The following CFAP91 variants were observed in gnomAD, a reference collection of about 807,000 sequenced individuals.
CFAP91 encodes the protein cilia- and flagella-associated protein 91.
A neutral mutation model predicts 95.9 loss-of-function variants in CFAP91; 85 were observed. That is an observed-to-expected ratio of 0.89 (90% confidence interval 0.74 to 1.06). The LOEUF (loss-of-function observed/expected upper bound fraction) is 1.06. CFAP91 is among the 50% of genes least tolerant of loss of function. The pLI is 0.00. For missense variants in CFAP91, 962 were observed against 943.4 expected (o/e 1.02, Z -0.26); for synonymous variants, 335 against 327.5 (o/e 1.02, Z -0.25).
intron 11 of CFAP91, among the ~76,000 whole-genome samples, chr3:119,738,346 T>TTTTTTTTTTTTTTTTTTTTTG (rs2054051702): frequency 1.0e-5 from 1 of 98,044 alleles, no homozygotes; most frequent in Non-Finnish European, 2.2e-5. Flanking sequence ...TTTTTTTTTT[T>TTTTTTTTTTTTTTTTTTTTTG]TTTTTTTTTT....
intron 17 of CFAP91, among the ~76,000 whole-genome samples, chr3:119,764,757 C>G (rs570077771): frequency 6.6e-6 from 1 of 152,172 alleles, no homozygotes; most frequent in Admixed American, 6.5e-5. Context: ...AGAGATTTAC[C>G]TTTCTCATGT....
In CFAP91 at chr3:119,707,400, T is replaced by TA; in HGVS notation, c.202-4_202-3insA. ...TGTCCTTTGCCTCCCTTCTCTAACA[T>TA]TAGAGAAAAGTTCCCAGGTTTAAAA... On this transcript the variant is annotated splice_region_variant and splice_polypyrimidine_tract_variant and intron_variant, in intron 2 of 17. Transcript: ENST00000273390. 1 of 1,532,460 alleles carries TA rather than the reference T, an allele frequency of 6.5e-7. No homozygotes were observed. The highest frequency in any genetic ancestry group is 8.9e-7 in the Non-Finnish European group (1 of 1,128,348). 94.9% of individuals were successfully genotyped at this position (1,532,460 alleles called of 1,614,324 possible).
chr3:119,745,673 G>A (rs2054207019), intron 14 of CFAP91, among the ~76,000 whole-genome samples: 1 of 152,212 alleles, frequency 6.6e-6, no homozygotes, highest in Non-Finnish European at 1.5e-5. Flanking sequence ...AAGAGGGTGG[G>A]CTCTATGAGA....
intron 11 of CFAP91, among the ~76,000 whole-genome samples, chr3:119,739,002 T>C (rs1274814428): frequency 6.6e-6 from 1 of 152,216 alleles, no homozygotes; most frequent in Non-Finnish European, 1.5e-5. Context: ...GTTTCATTTG[T>C]AGGGATAGCA....
At position 119,719,829 on chromosome 3, in the gene CFAP91, G is replaced by A. The variant is rs918464540; in HGVS notation, c.682+4086G>A. ...ATTTAAAAACTTAGAAAGGCTGGGC[G>A]TGGTGGCTCACACCTGTAGTCCCAG... On this transcript the variant is annotated intron_variant, in intron 6 of 17. Coordinates refer to ENST00000273390, the MANE Select transcript of CFAP91 (RefSeq NM_033364.4). Among the ~76,000 whole-genome samples the A allele has an allele frequency of 5.3e-5, 8 of 152,308 alleles. No homozygotes were observed. In the East Asian group the frequency reaches 7.7e-4, roughly 15 times the overall value.
chr3:119,741,048 C>T (rs1442389919), intron 13 of CFAP91, among the ~76,000 whole-genome samples: 1 of 152,110 alleles, frequency 6.6e-6, no homozygotes, highest in Non-Finnish European at 1.5e-5. Flanking sequence ...GATGGGGTTT[C>T]GCCATATTGG....
In CFAP91 at chr3:119,738,332, C is replaced by CTTTTTTT. The variant is rs556125660; in HGVS notation, c.1461+878_1461+884dup. 6.2e-3 allele frequency among the ~76,000 whole-genome samples: 144 copies of CTTTTTTT among 23,068 alleles called. 45 individuals are homozygous for CTTTTTTT. The highest frequency in any genetic ancestry group is 0.026 in the East Asian group (13 of 496). The allele number at this position is 23,068 out of a possible 152,430, so 15.1% of individuals were successfully genotyped here. A position where few individuals can be genotyped will look rare whatever the true frequency, so the allele number is the denominator to read the frequency against. ...TGCAGGGCTTTGGTTGACATATTGT[C>CTTTTTTT]TTTTTTTTTTTTTTTTTTTTTTTTT... On this transcript the variant is annotated intron_variant, in intron 11 of 17. Transcript: ENST00000273390.
At chr3:119,735,204 A>G (rs904144240) in intron 10 of CFAP91, among the ~76,000 whole-genome samples, 2 of 152,046 alleles carry the variant, frequency 1.3e-5, no homozygotes, top group Non-Finnish European at 2.9e-5. Flanking sequence ...CAAACAATGA[A>G]CTTTTGATTT....
intron 6 of CFAP91, among the ~76,000 whole-genome samples, chr3:119,716,717 G>C (rs34605021): frequency 0.16 from 23,960 of 152,092 alleles, 2,053 homozygotes; most frequent in Admixed American, 0.2. Context: ...CTCCCGAGTA[G>C]CTGGGAGTAC....
rs772349144 is a variant in CFAP91 at position 119,740,466 on chromosome 3, C to T, written c.1534-83C>T. On this transcript the variant is annotated intron_variant, in intron 12 of 17. Transcript: ENST00000273390. ...CAGAACCCACTGTTCACAAGTGTCT[C>T]ACAAGTCACTGCGTGTGACTCCTAG... 382 of 1,480,646 alleles carry T rather than the reference C, an allele frequency of 2.6e-4. 1 individual carries two copies. Among genetic ancestry groups the T allele is most frequent in the Non-Finnish European group, 5.4e-5 (58 of 1,083,220 alleles). The allele number at this position is 1,480,646 out of a possible 1,614,324, so 91.7% of individuals were successfully genotyped here.
At chr3:119,712,146 G>A (rs2053483128) in intron 5 of CFAP91, among the ~76,000 whole-genome samples, 1 of 152,220 alleles carries the variant, frequency 6.6e-6, no homozygotes, top group African/African-American at 2.4e-5. Context: ...GGTCCTGTTT[G>A]AGGTTGGGGA....
chr3:119,735,030 T>A (rs977890828), intron 10 of CFAP91, among the ~76,000 whole-genome samples: 13 of 152,190 alleles, frequency 8.5e-5, no homozygotes, highest in African/African-American at 3.1e-4. Context: ...TTCCATTTTT[T>A]TGGCATATGA....
At chr3:119,740,953 C>T in intron 13 of CFAP91, 1 of 450,422 alleles carries the variant, frequency 2.2e-6, no homozygotes, top group Non-Finnish European at 4.1e-6. Flanking sequence ...CTCACGGGTT[C>T]AAATGATTCT....
chr3:119,763,597 ACAAT>A lies in CFAP91; in HGVS notation c.*2-1454_*2-1451del, dbSNP rs2054576748. 2.0e-5 allele frequency among the ~76,000 whole-genome samples: 3 copies of A among 151,896 alleles called. No individual in the cohort carries two copies. In the South Asian group the frequency reaches 6.2e-4, roughly 32 times the overall value. On this transcript the variant is annotated intron_variant, in intron 17 of 17. Transcript: ENST00000273390. ...TCCACCAACAGATGATGGTATACACACAATTGAATACTATTCAGCCTTAAAAAAA... is the reference window on the plus strand; with the variant it reads ...TCCACCAACAGATGATGGTATACACATGAATACTATTCAGCCTTAAAAAAA...
intron 17 of CFAP91, among the ~76,000 whole-genome samples, chr3:119,753,823 C>T (rs1577245458): frequency 6.6e-6 from 1 of 152,166 alleles, no homozygotes; most frequent in Non-Finnish European, 1.5e-5. Flanking sequence ...CCCACTCTTC[C>T]CCCCAAGTCC....
intron 8 of CFAP91, 70 bp from the exon 9 acceptor site, chr3:119,732,224 G>T: frequency 8.2e-7 from 1 of 1,226,376 alleles, no homozygotes; most frequent in Non-Finnish European, 1.1e-6. Flanking sequence ...ACTAGCATTG[G>T]CTTACTCTTC....
chr3:119,763,377 A>T (rs1184332104), intron 17 of CFAP91, among the ~76,000 whole-genome samples: 1 of 152,130 alleles, frequency 6.6e-6, no homozygotes, highest in Non-Finnish European at 1.5e-5. Context: ...TGGGAATGTA[A>T]ATTAGTACAG....
chr3:119,727,971 A>T (rs1577217471), intron 7 of CFAP91, among the ~76,000 whole-genome samples: 1 of 151,870 alleles, frequency 6.6e-6, no homozygotes, highest in Non-Finnish European at 1.5e-5. Flanking sequence ...TGCCCCAGTG[A>T]ACTATAAGGA....
intron 5 of CFAP91, among the ~76,000 whole-genome samples, chr3:119,713,539 AT>A (rs1476599394): frequency 3.3e-5 from 5 of 150,896 alleles, no homozygotes; most frequent in African/African-American, 1.2e-4. Flanking sequence ...ATCTTTAGTT[AT>A]TTATGTAATT....
Sources: gnomAD v4.1 joint callset for allele counts (sites outside exome capture counted in the v4.1 genomes callset) on GRCh38, gnomAD v4.1.1 for gene constraint, MANE v1.5 for transcripts, NCBI Gene and HGNC (gene_info 2026-07-23, HGNC 2026-07-21) for gene names.